TNFRSF10B: variants seen among roughly 807,000 people sequenced by gnomAD.
TNFRSF10B encodes the protein tumor necrosis factor receptor superfamily member 10B.
In TNFRSF10B, 35 loss-of-function variants were observed where a neutral mutation model predicts 41.4. The observed-to-expected ratio is 0.85, with a 90% CI of 0.65 to 1.12. The LOEUF (loss-of-function observed/expected upper bound fraction) is 1.12. Ranked by LOEUF, TNFRSF10B falls within the 50% of genes most tolerant of loss-of-function variation. The pLI is 0.00. For synonymous variants in TNFRSF10B, 230 were observed against 215.5 expected (o/e 1.07, Z -0.59); for missense variants, 584 against 552.7 (o/e 1.06, Z -0.57).
chr8:23,021,627 G>A lies in TNFRSF10B; in HGVS notation c.*1044C>T. 2 of 454,126 alleles carry A rather than the reference G, an allele frequency of 4.4e-6. No individual in the cohort carries two copies. The highest frequency in any genetic ancestry group is 8.8e-6 in the Non-Finnish European group (2 of 226,796). The allele number at this position is 454,126 out of a possible 1,614,324, so 28.1% of individuals were successfully genotyped here. A position where few individuals can be genotyped will look rare whatever the true frequency, so the allele number is the denominator to read the frequency against. The stretch of plus-strand genomic sequence containing the variant: ...CTATGGGTGCAAATGAGACTGCCCA[G>A]GTAGGGACCAGCCACACACAGGACT... On this transcript the variant is annotated 3_prime_UTR_variant, in exon 9 of 9. Coordinates refer to ENST00000276431, the MANE Select transcript of TNFRSF10B (RefSeq NM_003842.5).
At chr8:23,061,526 C>G (rs1216672899) in intron 1 of TNFRSF10B, among the ~76,000 whole-genome samples, 1 of 152,104 alleles carries the variant, frequency 6.6e-6, no homozygotes, top group Non-Finnish European at 1.5e-5. Context: ...TCCAGATGCT[C>G]TTATTTCTTT....
Position 23,022,868 on chromosome 8 carries a change from C to T in TNFRSF10B, c.1126G>A (p.Ala376Thr), listed in dbSNP as rs777825298. The T allele has an allele frequency of 4.3e-6, 7 of 1,614,140 alleles. No homozygotes were observed. The highest frequency in any genetic ancestry group is 3.3e-5 in the Admixed American group (2 of 60,024). The change falls in exon 9 of 9, where the codon GCG (alanine) becomes ACG (threonine). Residue 376 changes from alanine to threonine, a missense_variant. Ala to Thr is a moderately conservative substitution (Grantham distance 58). Transcript: ENST00000276431. ...NEIKVAKAEA[A>T]GHRDTLYTML... The stretch of plus-strand genomic sequence containing the variant: ...GTGTACAAGGTGTCCCTGTGGCCCG[C>T]TGCCTCAGCTTTAGCCACCTTTATC...
chr8:23,050,197 C>G (rs1008160727), intron 1 of TNFRSF10B, among the ~76,000 whole-genome samples: 6 of 152,256 alleles, frequency 3.9e-5, no homozygotes, highest in Non-Finnish European at 7.3e-5. Context: ...CATACACCCA[C>G]TTTCCCTTTG....
At chr8:23,061,794 T>C (rs892755768) in intron 1 of TNFRSF10B, among the ~76,000 whole-genome samples, 3 of 152,248 alleles carry the variant, frequency 2.0e-5, no homozygotes, top group Non-Finnish European at 2.9e-5. Flanking sequence ...CAGATGATCA[T>C]GTGTCTTTTT....
intron 1 of TNFRSF10B, among the ~76,000 whole-genome samples, chr8:23,051,548 T>C (rs998551671): frequency 0.032 from 2,031 of 63,986 alleles, 38 homozygotes; most frequent in African/African-American, 0.085. Flanking sequence ...TAAAATACTC[T>C]TTTTTTTTTT....
intron 1 of TNFRSF10B, among the ~76,000 whole-genome samples, chr8:23,066,447 A>G (rs1812981875): frequency 6.6e-6 from 1 of 152,238 alleles, no homozygotes; most frequent in African/African-American, 2.4e-5. Flanking sequence ...GAGCCCTCAC[A>G]GGGAAATGTC....
chr8:23,048,452 A>AC (rs987714951), intron 1 of TNFRSF10B, among the ~76,000 whole-genome samples: 6 of 151,690 alleles, frequency 4.0e-5, no homozygotes, highest in African/African-American at 1.5e-4. Flanking sequence ...AAAAAAAAAA[A>AC]AAAACAACTG....
In TNFRSF10B at chr8:23,027,223, G is replaced by C; in HGVS notation, c.846C>G (p.Thr282=). The stretch of plus-strand genomic sequence containing the variant: ...CTTCCATTTCCTGCTCAGGGACCTG[G>C]GTGGGCTGCAAGATACTCACGATCT... ...LNEIVSILQP[T]QVPEQEMEVQ... is the part of the protein sequence containing the mutation. Residue 282 remains threonine, a synonymous_variant, in exon 7 of 9, where the codon ACC becomes ACG. Transcript: ENST00000276431. 6.2e-7 allele frequency: 1 copy of C among 1,614,156 alleles called. No individual in the cohort carries two copies. Among genetic ancestry groups the C allele is most frequent in the Non-Finnish European group, 8.5e-7 (1 of 1,180,036 alleles).
intron 1 of TNFRSF10B, among the ~76,000 whole-genome samples, chr8:23,054,839 C>T (rs1812615503): frequency 6.6e-6 from 1 of 152,156 alleles, no homozygotes. Flanking sequence ...TGCTATGGAA[C>T]AAAGTTCCAT....
In TNFRSF10B at chr8:23,021,960, T is replaced by C; in HGVS notation, c.*711A>G. The C allele has an allele frequency of 2.2e-6, 1 of 452,326 alleles. No homozygotes were observed. The allele number at this position is 452,326 out of a possible 1,614,324, so 28.0% of individuals were successfully genotyped here. A position where few individuals can be genotyped will look rare whatever the true frequency, so the allele number is the denominator to read the frequency against. On this transcript the variant is annotated 3_prime_UTR_variant, in exon 9 of 9. Transcript: ENST00000276431. ...CATAAAATAATAACATACAGAATTA[T>C]AAAAGTAGAAAGGTAAGGCCAAGCA...
Position 23,022,927 on chromosome 8 carries a change from G to A in TNFRSF10B, c.1067C>T (p.Pro356Leu), listed in dbSNP as rs779676594. 3.1e-5 allele frequency: 50 copies of A among 1,613,914 alleles called. No homozygotes were observed. The highest frequency in any genetic ancestry group is 4.0e-5 in the Non-Finnish European group (47 of 1,179,996). The change falls in exon 9 of 9, where the codon CCG becomes CTG. Residue 356 changes from proline to leucine, a missense_variant. By Grantham distance (98) the Pro-to-Leu change is moderately conservative. Transcript: ENST00000276431. ...CATGAGGCCCAACTTCCTCATGAGC[G>A]GCTCCCAGGAGTCAAAGGGCACCAA... ...ADLVPFDSWEPLMRKLGLMDN... is the reference protein window; with the variant it reads ...ADLVPFDSWELLMRKLGLMDN...
Position 23,021,835 on chromosome 8 carries a change from T to A in TNFRSF10B, c.*836A>T. ...CAGACAGTGACATCTTACAGGGGAC[T>A]TCTTCTTCTTCCCCCATTGTATGTC... On this transcript the variant is annotated 3_prime_UTR_variant, in exon 9 of 9. Transcript: ENST00000276431. The A allele has an allele frequency of 2.2e-6, 1 of 454,150 alleles. No individual in the cohort carries two copies. Among genetic ancestry groups the A allele is most frequent in the Non-Finnish European group, 4.4e-6 (1 of 226,786 alleles). 28.1% of individuals were successfully genotyped at this position (454,150 alleles called of 1,614,324 possible). A position where few individuals can be genotyped will look rare whatever the true frequency, so the allele number is the denominator to read the frequency against.
At chr8:23,024,524 ATTTT>A (rs112844191) in intron 7 of TNFRSF10B, among the ~76,000 whole-genome samples, 1 of 145,872 alleles carries the variant, frequency 6.9e-6, no homozygotes, top group Non-Finnish European at 1.5e-5. Flanking sequence ...TGTCTTGATG[ATTTT>A]TTTTTTTTTC....
chr8:23,049,276 C>A (rs1051303026), intron 1 of TNFRSF10B, among the ~76,000 whole-genome samples: 2 of 152,108 alleles, frequency 1.3e-5, no homozygotes, highest in South Asian at 4.1e-4. Flanking sequence ...TAACAAAACC[C>A]CACCAAGAGT....
chr8:23,025,598 A>G (rs1318938806), intron 7 of TNFRSF10B, among the ~76,000 whole-genome samples: 2 of 152,230 alleles, frequency 1.3e-5, no homozygotes, highest in Non-Finnish European at 2.9e-5. Context: ...ACATAAATAC[A>G]TATGCATTTA....
chr8:23,033,885 AG>A (rs1308529562), intron 2 of TNFRSF10B, among the ~76,000 whole-genome samples: 1 of 152,034 alleles, frequency 6.6e-6, no homozygotes, highest in Non-Finnish European at 1.5e-5. Context: ...TCCCATCATG[AG>A]GGCCCCACCC....
chr8:23,033,141 A>T (rs1811927798), intron 2 of TNFRSF10B, among the ~76,000 whole-genome samples: 1 of 152,242 alleles, frequency 6.6e-6, no homozygotes, highest in East Asian at 1.9e-4. Flanking sequence ...ATTATCATTC[A>T]AGAATGAAGA....
chr8:23,031,562 T>C (rs1381396475), intron 2 of TNFRSF10B, among the ~76,000 whole-genome samples: 3 of 151,812 alleles, frequency 2.0e-5, no homozygotes, highest in African/African-American at 7.3e-5. Flanking sequence ...TAATTTTTAG[T>C]GTACTTTTTT....
intron 2 of TNFRSF10B, among the ~76,000 whole-genome samples, chr8:23,032,229 A>G (rs567149344): frequency 1.3e-5 from 2 of 152,310 alleles, no homozygotes; most frequent in Admixed American, 6.5e-5. Context: ...TTAGACCTTT[A>G]AAATGCACAG....
Sources: gnomAD v4.1 joint callset for allele counts (sites outside exome capture counted in the v4.1 genomes callset) on GRCh38, gnomAD v4.1.1 for gene constraint, MANE v1.5 for transcripts, NCBI Gene and HGNC (gene_info 2026-07-23, HGNC 2026-07-21) for gene names.